The following TRPC7 variants were observed in gnomAD, a reference collection of about 807,000 sequenced individuals.
TRPC7 encodes transient receptor potential cation channel subfamily C member 7.
Under a neutral mutation model 90.1 loss-of-function variants are expected in TRPC7, and 42 were observed. That is an observed-to-expected ratio of 0.47 (90% CI 0.36 to 0.60). The LOEUF (loss-of-function observed/expected upper bound fraction) is 0.60. Ranked by LOEUF, TRPC7 falls within the 20% of genes least tolerant of loss-of-function variation. The probability of loss-of-function intolerance (pLI) is 0.00; values close to 1 mark genes in which losing one functional copy is unlikely to be tolerated. For missense variants in TRPC7, 955 were observed against 1,112.3 expected (o/e 0.86, Z 2.01); for synonymous variants, 451 against 436.3 (o/e 1.03, Z -0.42).
chr5:136,315,494 G>C, intron 3 of TRPC7, 103 bp downstream of exon 3: 1 of 1,247,618 alleles, frequency 8.0e-7, no homozygotes, highest in Non-Finnish European at 1.1e-6. Context: ...GTGTCATCAT[G>C]GTCACCCTGT....
At chr5:136,261,915 C>T (rs1174075260) in intron 5 of TRPC7, among the ~76,000 whole-genome samples, 2 of 152,126 alleles carry the variant, frequency 1.3e-5, no homozygotes, top group African/African-American at 4.8e-5. Flanking sequence ...ATCTCTATTC[C>T]CCCTGCAAAC....
Position 136,266,130 on chromosome 5 carries a change from A to C in TRPC7, c.1345+90T>G. On this transcript the variant is annotated intron_variant, in intron 5 of 11. Transcript: ENST00000513104. ...CATTTTGTCTATCAGGAGTACACTG[A>C]AGAGGAGAGGGAGAAATTCAGAAAT... The C allele has an allele frequency of 5.8e-6, 7 of 1,201,596 alleles. No homozygotes were observed. The East Asian group carries it at 1.4e-4, about 24-fold the overall frequency. The allele number at this position is 1,201,596 out of a possible 1,614,324, so 74.4% of individuals were successfully genotyped here.
chr5:136,343,163 G>A (rs1193845953), intron 2 of TRPC7, among the ~76,000 whole-genome samples: 1 of 152,174 alleles, frequency 6.6e-6, no homozygotes. Context: ...AAAAAAAGAT[G>A]TAATATAGAA....
At chr5:136,271,161 T>C (rs1403751103) in intron 4 of TRPC7, among the ~76,000 whole-genome samples, 1 of 152,204 alleles carries the variant, frequency 6.6e-6, no homozygotes, top group Non-Finnish European at 1.5e-5. Flanking sequence ...GTACCAACTT[T>C]ATATTTCTCC....
intron 2 of TRPC7, among the ~76,000 whole-genome samples, chr5:136,338,253 C>T (rs776108645): frequency 1.3e-5 from 2 of 152,172 alleles, no homozygotes; most frequent in Non-Finnish European, 2.9e-5. Flanking sequence ...TTTGGGCAGT[C>T]GTTTTCTGTT....
intron 2 of TRPC7, among the ~76,000 whole-genome samples, chr5:136,318,989 A>G (rs533394394): frequency 6.6e-6 from 1 of 152,258 alleles, no homozygotes; most frequent in South Asian, 2.1e-4. Flanking sequence ...ACTCTCTACC[A>G]GTGTGTTCTT....
intron 3 of TRPC7, among the ~76,000 whole-genome samples, chr5:136,289,466 G>A (rs564732590): frequency 1.5e-4 from 23 of 152,336 alleles, no homozygotes; most frequent in African/African-American, 2.4e-4. Context: ...TCTTCCAACG[G>A]GCTTAACAAA....
intron 2 of TRPC7, among the ~76,000 whole-genome samples, chr5:136,339,463 C>A (rs1759775168): frequency 6.6e-6 from 1 of 152,156 alleles, no homozygotes; most frequent in Non-Finnish European, 1.5e-5. Context: ...TGTCATGTAA[C>A]TGGAGGTTAT....
intron 7 of TRPC7, among the ~76,000 whole-genome samples, chr5:136,246,107 T>C (rs1756328594): frequency 6.6e-6 from 1 of 152,174 alleles, no homozygotes; most frequent in Non-Finnish European, 1.5e-5. Context: ...GGGATGTGCA[T>C]GCCATTGTGT....
chr5:136,240,761 C>T (rs1323100005), intron 7 of TRPC7, among the ~76,000 whole-genome samples: 2 of 152,090 alleles, frequency 1.3e-5, no homozygotes, highest in African/African-American at 4.8e-5. Flanking sequence ...TGATCTTGGG[C>T]AAGTCTGGTA....
chr5:136,321,951 T>C (rs1365653309), intron 2 of TRPC7, among the ~76,000 whole-genome samples: 1 of 152,144 alleles, frequency 6.6e-6, no homozygotes, highest in Non-Finnish European at 1.5e-5. Context: ...CTGAAGGACA[T>C]TTTGTTGTAT....
intron 2 of TRPC7, among the ~76,000 whole-genome samples, chr5:136,342,610 C>T (rs1489777671): frequency 6.6e-6 from 1 of 152,132 alleles, no homozygotes; most frequent in Admixed American, 6.5e-5. Flanking sequence ...TTATATTAGG[C>T]TGCAGAAGTT....
At chr5:136,299,849 T>A (rs1019030232) in intron 3 of TRPC7, among the ~76,000 whole-genome samples, 2 of 152,210 alleles carry the variant, frequency 1.3e-5, no homozygotes, top group Non-Finnish European at 2.9e-5. Flanking sequence ...CTGATTTGTA[T>A]CTATTTCTTG....
intron 3 of TRPC7, among the ~76,000 whole-genome samples, chr5:136,313,608 T>A (rs1408284938): frequency 6.6e-6 from 1 of 152,258 alleles, no homozygotes; most frequent in Non-Finnish European, 1.5e-5. Flanking sequence ...TCATGAAGAA[T>A]AAATGTCAAG....
At chr5:136,332,340 G>A (rs1024331565) in intron 2 of TRPC7, among the ~76,000 whole-genome samples, 8 of 152,078 alleles carry the variant, frequency 5.3e-5, no homozygotes, top group African/African-American at 1.9e-4. Flanking sequence ...TCAGAGCCCC[G>A]ACAGGCACCT....
At chr5:136,278,744 T>C (rs1306770668) in intron 3 of TRPC7, among the ~76,000 whole-genome samples, 1 of 152,202 alleles carries the variant, frequency 6.6e-6, no homozygotes. Flanking sequence ...TTATTTCATA[T>C]GCCCTGCCTA....
intron 3 of TRPC7, among the ~76,000 whole-genome samples, chr5:136,291,171 C>T (rs1192753219): frequency 6.6e-6 from 1 of 152,180 alleles, no homozygotes; most frequent in Non-Finnish European, 1.5e-5. Context: ...CAACTGGTAC[C>T]AGCCACTGCA....
chr5:136,257,769 G>A (rs555313102), intron 5 of TRPC7, among the ~76,000 whole-genome samples: 3 of 152,170 alleles, frequency 2.0e-5, no homozygotes, highest in South Asian at 4.2e-4. Context: ...CTGTGCAACC[G>A]GTATTTTTTA....
At chr5:136,309,540 T>A (rs921821036) in intron 3 of TRPC7, among the ~76,000 whole-genome samples, 2 of 152,214 alleles carry the variant, frequency 1.3e-5, no homozygotes, top group Non-Finnish European at 2.9e-5. Context: ...GCCGGGATTA[T>A]GCTTTCTGGT....
Sources: gnomAD v4.1 joint callset for allele counts (sites outside exome capture counted in the v4.1 genomes callset) on GRCh38, gnomAD v4.1.1 for gene constraint, MANE v1.5 for transcripts, NCBI Gene and HGNC (gene_info 2026-07-23, HGNC 2026-07-21) for gene names.